Variants in BAZ2B observed in about 807,000 individuals in gnomAD.
BAZ2B encodes bromodomain adjacent to zinc finger domain 2B, also known as bromodomain adjacent to zinc finger domain protein 2B.
Under a neutral mutation model 246.0 loss-of-function variants are expected in BAZ2B, and 91 were observed. The ratio of observed to expected loss-of-function variants is 0.37; its 90% CI spans 0.31 to 0.44. BAZ2B has a LOEUF of 0.44. Ranked by LOEUF, BAZ2B falls within the 20% of genes least tolerant of loss-of-function variation. The probability of loss-of-function intolerance (pLI) is 1.00; values close to 1 mark genes in which losing one functional copy is unlikely to be tolerated. For missense variants in BAZ2B, 2,332 were observed against 2,533.7 expected (o/e 0.92, Z 1.71); for synonymous variants, 855 against 860.0 (o/e 0.99, Z 0.10).
In BAZ2B at chr2:159,383,693, G is replaced by T; in HGVS notation, c.3687-13C>A. The T allele has an allele frequency of 6.2e-7, 1 of 1,600,854 alleles. No homozygotes were observed. The highest frequency in any genetic ancestry group is 8.5e-7 in the Non-Finnish European group (1 of 1,171,712). On this transcript the variant is annotated splice_polypyrimidine_tract_variant and intron_variant, in intron 23 of 36. Transcript: ENST00000392783. Reference sequence around the variant, plus strand: ...CTTGTCGATTTCACTGCCAATGCAAGAATTTATTAAAAAGTGTAAATTAAT... The same window carrying T: ...CTTGTCGATTTCACTGCCAATGCAATAATTTATTAAAAAGTGTAAATTAAT...
At chr2:159,392,920 C>T (rs927562925) in intron 20 of BAZ2B, among the ~76,000 whole-genome samples, 2 of 149,184 alleles carry the variant, frequency 1.3e-5, no homozygotes, top group African/African-American at 2.5e-5. Context: ...TATTTATAAA[C>T]CTGTAATCCA....
chr2:159,573,958 G>A (rs995124050), intron 1 of BAZ2B, among the ~76,000 whole-genome samples: 2 of 152,018 alleles, frequency 1.3e-5, no homozygotes, highest in Non-Finnish European at 2.9e-5. Context: ...AAAATTGGCT[G>A]GGTGTGTTGG....
At chr2:159,324,331 T>C (rs2063139927) in intron 36 of BAZ2B, among the ~76,000 whole-genome samples, 1 of 152,190 alleles carries the variant, frequency 6.6e-6, no homozygotes, top group Admixed American at 6.5e-5. Context: ...ACATTAAAGC[T>C]CTTAATATGT....
At chr2:159,614,908 C>G (rs771140053) in intron 1 of BAZ2B, among the ~76,000 whole-genome samples, 9 of 152,122 alleles carry the variant, frequency 5.9e-5, no homozygotes, top group Non-Finnish European at 1.2e-4. Flanking sequence ...ATTCCCTAAA[C>G]TTTGAGACTT....
At position 159,347,595 on chromosome 2, in the gene BAZ2B, A is replaced by T. The variant is rs765312651; in HGVS notation, c.5345T>A (p.Ile1782Asn). The T allele has an allele frequency of 6.2e-7, 1 of 1,612,812 alleles. No homozygotes were observed. Among genetic ancestry groups the T allele is most frequent in the African/African-American group, 1.3e-5 (1 of 74,996 alleles). ...ENEENQVTRD[I>N]VENWSVEEQA... ...TTCTTCTACTGACCAGTTCTCCACA[A>T]TATCTCGAGTTACTTGGTTTTCTTC... The change falls in exon 31 of 37, where the codon ATT (isoleucine) becomes AAT (asparagine). Residue 1782 changes from isoleucine to asparagine, a missense_variant. Ile to Asn is a moderately radical substitution (Grantham distance 149). Coordinates refer to ENST00000392783, the MANE Select transcript of BAZ2B (RefSeq NM_013450.4).
At chr2:159,659,832 C>A in the BAZ2B span, among the ~76,000 whole-genome samples, 2 of 152,164 alleles carry the variant, frequency 1.3e-5, no homozygotes, top group African/African-American at 2.4e-5. Flanking sequence ...ACAAATTTAT[C>A]CACTTTTATA....
At chr2:159,518,645 C>G (rs948716179) in intron 2 of BAZ2B, among the ~76,000 whole-genome samples, 1 of 152,128 alleles carries the variant, frequency 6.6e-6, no homozygotes, top group Non-Finnish European at 1.5e-5. Context: ...CTTATTCCAA[C>G]ATAATTTAAG....
chr2:159,430,961 T>C lies in BAZ2B; in HGVS notation c.2096A>G (p.Lys699Arg), dbSNP rs2070998540. 6 of 1,613,838 alleles carry C rather than the reference T, an allele frequency of 3.7e-6. No homozygotes were observed. The highest frequency in any genetic ancestry group is 5.1e-6 in the Non-Finnish European group (6 of 1,179,908). The part of the protein sequence containing the change: ...HSTPRNLHIA[K>R]APGSAPAALC... ...GGCAGCAGGAGCAGAGCCTGGGGCTTTTGCTATGTGGAGGTTACGAGGTGT... is the reference window on the plus strand; with the variant it reads ...GGCAGCAGGAGCAGAGCCTGGGGCTCTTGCTATGTGGAGGTTACGAGGTGT... Residue 699 changes from lysine (K) to arginine (R), a missense_variant, in exon 10 of 37, where the codon AAA (lysine) becomes AGA (arginine). Coordinates refer to ENST00000392783, the MANE Select transcript of BAZ2B (RefSeq NM_013450.4).
intron 2 of BAZ2B, among the ~76,000 whole-genome samples, chr2:159,493,381 T>C (rs2080717746): frequency 6.6e-6 from 1 of 152,200 alleles, no homozygotes; most frequent in Non-Finnish European, 1.5e-5. Flanking sequence ...CCCTCAGACC[T>C]GAAATCCTCT....
intron 13 of BAZ2B, among the ~76,000 whole-genome samples, chr2:159,419,259 T>A (rs938177090): frequency 1.3e-5 from 2 of 152,152 alleles, no homozygotes; most frequent in Non-Finnish European, 2.9e-5. Flanking sequence ...ATGTAAGATA[T>A]GAAATTACCC....
the BAZ2B span, among the ~76,000 whole-genome samples, chr2:159,655,939 C>T: frequency 6.6e-6 from 1 of 151,972 alleles, no homozygotes; most frequent in Non-Finnish European, 1.5e-5. Context: ...AGGTCCTTTG[C>T]AAAATCTAAC....
chr2:159,482,716 C>G (rs2150962335), intron 2 of BAZ2B, among the ~76,000 whole-genome samples: 1 of 152,178 alleles, frequency 6.6e-6, no homozygotes, highest in East Asian at 1.9e-4. Flanking sequence ...TCCAAATAAG[C>G]TGATTTTTCA....
At chr2:159,450,741 CT>C (rs201235112) in intron 4 of BAZ2B, among the ~76,000 whole-genome samples, 47,541 of 143,328 alleles carry the variant, frequency 0.33, 8,659 homozygotes, top group Non-Finnish European at 0.46. Context: ...ACATTTAACT[CT>C]TTTTTTTTTT....
chr2:159,535,087 A>G (rs1214152764), intron 2 of BAZ2B, among the ~76,000 whole-genome samples: 1 of 143,756 alleles, frequency 7.0e-6, no homozygotes, highest in African/African-American at 3.0e-5. Flanking sequence ...TTCAGTACTT[A>G]CTATTAACAT....
chr2:159,501,154 A>T (rs1481679174), intron 2 of BAZ2B, among the ~76,000 whole-genome samples: 2 of 33,554 alleles, frequency 6.0e-5, no homozygotes, highest in African/African-American at 1.7e-4. Flanking sequence ...TATATAATAT[A>T]TATAAATATA....
At chr2:159,581,530 T>C (rs1196329345) in intron 1 of BAZ2B, among the ~76,000 whole-genome samples, 3 of 152,154 alleles carry the variant, frequency 2.0e-5, no homozygotes, top group African/African-American at 7.2e-5. Context: ...CTCAAGGATC[T>C]AGAACTAGAA....
At chr2:159,492,437 T>C (rs1028323896) in intron 2 of BAZ2B, among the ~76,000 whole-genome samples, 4 of 152,210 alleles carry the variant, frequency 2.6e-5, no homozygotes, top group Admixed American at 6.5e-5. Context: ...TTACCATATT[T>C]TATCCTGTAT....
At position 159,389,430 on chromosome 2, in the gene BAZ2B, C is replaced by T. The variant is rs780427087; in HGVS notation, c.3131G>A (p.Arg1044His). The T allele has an allele frequency of 1.5e-5, 24 of 1,610,954 alleles. No individual in the cohort carries two copies. Among genetic ancestry groups the T allele is most frequent in the Non-Finnish European group, 1.6e-5 (19 of 1,178,668 alleles). The change falls in exon 21 of 37, where the codon CGT becomes CAT. Residue 1044 changes from arginine to histidine, a missense_variant. Arg to His is a conservative substitution (Grantham distance 29). Around this residue, in one of 9 missense-constraint regions of BAZ2B, gnomAD observed 328 missense variants for 410.4 expected, o/e 0.80. Coordinates refer to ENST00000392783, the MANE Select transcript of BAZ2B (RefSeq NM_013450.4). Reference sequence around the variant, plus strand: ...TTCTAATCTTCGCTGCTCTAGTTTACGCTCTTTATTTAATCTTTTCTCATC... The same window carrying T: ...TTCTAATCTTCGCTGCTCTAGTTTATGCTCTTTATTTAATCTTTTCTCATC... ...KRDEKRLNKE[R>H]KLEQRRLELE...
chr2:159,439,732 A>G (rs2073032548), intron 6 of BAZ2B, among the ~76,000 whole-genome samples: 1 of 152,206 alleles, frequency 6.6e-6, no homozygotes, highest in African/African-American at 2.4e-5. Flanking sequence ...ATATAAAAGC[A>G]AATTATTCCA....
Sources: allele counts gnomAD v4.1 joint callset (sites outside exome capture counted in the v4.1 genomes callset), GRCh38; gene constraint gnomAD v4.1.1; regional missense constraint gnomAD v4.1.1; transcripts MANE v1.5; gene names NCBI Gene and HGNC (gene_info 2026-07-23, HGNC 2026-07-21).